TMEM132C: variants seen among roughly 807,000 people sequenced by gnomAD.
TMEM132C encodes the protein protein phosphatase 1, regulatory subunit 152.
In TMEM132C, 29 loss-of-function variants were observed where a neutral mutation model predicts 61.4. That is an observed-to-expected ratio of 0.47 (90% CI 0.35 to 0.64). The LOEUF (loss-of-function observed/expected upper bound fraction) is 0.64. Ranked by LOEUF, TMEM132C falls within the 30% of genes least tolerant of loss-of-function variation. The pLI is 0.00. For synonymous variants in TMEM132C, 656 were observed against 633.1 expected (o/e 1.04, Z -0.54); for missense variants, 1,408 against 1,476.9 (o/e 0.95, Z 0.76).
chr12:128,306,667 T>C (rs1871795579), intron 1 of TMEM132C, among the ~76,000 whole-genome samples: 1 of 152,224 alleles, frequency 6.6e-6, no homozygotes, highest in African/African-American at 2.4e-5. Context: ...GTCCTGTTTT[T>C]TGAAGACTTC....
intron 5 of TMEM132C, among the ~76,000 whole-genome samples, chr12:128,690,718 T>C (rs1349270596): frequency 1.3e-5 from 2 of 152,202 alleles, no homozygotes; most frequent in African/African-American, 4.8e-5. Context: ...CTTCCTTCTT[T>C]AATCAGCATG....
At chr12:128,572,418 G>C (rs564208320) in intron 3 of TMEM132C, among the ~76,000 whole-genome samples, 2 of 151,528 alleles carry the variant, frequency 1.3e-5, no homozygotes, top group African/African-American at 4.8e-5. Flanking sequence ...TGTGGCTGGT[G>C]CTGGCCTCTG....
intron 5 of TMEM132C, among the ~76,000 whole-genome samples, chr12:128,676,405 C>G (rs1954587195): frequency 6.7e-6 from 1 of 149,864 alleles, no homozygotes; most frequent in African/African-American, 2.5e-5. Flanking sequence ...GCTTTTTAAT[C>G]ACCCTGAAAT....
chr12:128,313,182 T>C lies in TMEM132C; in HGVS notation c.85+45695T>C, dbSNP rs577269110. 4.2e-4 allele frequency among the ~76,000 whole-genome samples: 64 copies of C among 152,350 alleles called. 1 individual carries two copies. The South Asian group carries it at 0.013, about 31-fold the overall frequency. On this transcript the variant is annotated intron_variant, in intron 1 of 8. Transcript: ENST00000435159. ...GCCAGGCCCTCTGGACTCACCATTA[T>C]GAAGCCAAATCTCCAGGGATCCACT...
At chr12:128,346,913 C>T (rs1286133031) in intron 1 of TMEM132C, among the ~76,000 whole-genome samples, 2 of 152,108 alleles carry the variant, frequency 1.3e-5, no homozygotes, top group African/African-American at 4.8e-5. Flanking sequence ...GTCTCAAAAT[C>T]AGGAACTCTT....
chr12:128,482,519 T>C (rs1238888351), intron 2 of TMEM132C, among the ~76,000 whole-genome samples: 1 of 152,210 alleles, frequency 6.6e-6, no homozygotes, highest in Non-Finnish European at 1.5e-5. Flanking sequence ...TCCCTCTTTT[T>C]CTATTGTTTG....
intron 4 of TMEM132C, among the ~76,000 whole-genome samples, chr12:128,658,086 G>T (rs1020420646): frequency 7.7e-6 from 1 of 129,208 alleles, no homozygotes; most frequent in African/African-American, 2.9e-5. Context: ...GAGCAGGGAC[G>T]CAGCTCCCAT....
At chr12:128,628,024 C>T (rs1209582391) in intron 4 of TMEM132C, among the ~76,000 whole-genome samples, 1 of 152,156 alleles carries the variant, frequency 6.6e-6, no homozygotes, top group Non-Finnish European at 1.5e-5. Flanking sequence ...TCTCCCCAGG[C>T]CTGCCGCACA....
chr12:128,300,991 G>T (rs551767425), intron 1 of TMEM132C, among the ~76,000 whole-genome samples: 1 of 152,278 alleles, frequency 6.6e-6, no homozygotes, highest in South Asian at 2.1e-4. Flanking sequence ...CAGTGAGCTA[G>T]GAATTCATCC....
chr12:128,636,348 G>A (rs973198778), intron 4 of TMEM132C, among the ~76,000 whole-genome samples: 5 of 151,988 alleles, frequency 3.3e-5, no homozygotes, highest in African/African-American at 4.8e-5. Context: ...TGCCACACCC[G>A]GTGTCATCCA....
At chr12:128,635,371 C>T (rs1024322829) in intron 4 of TMEM132C, among the ~76,000 whole-genome samples, 2 of 151,826 alleles carry the variant, frequency 1.3e-5, no homozygotes, top group South Asian at 2.1e-4. Context: ...TTTTCAAGAA[C>T]CTTAGGTGGG....
chr12:128,422,564 C>T (rs958531393), intron 2 of TMEM132C, among the ~76,000 whole-genome samples: 24 of 152,120 alleles, frequency 1.6e-4, no homozygotes, highest in Admixed American at 4.6e-4. Context: ...AGTCATAAAG[C>T]GTCACTCCTG....
chr12:128,521,467 C>T (rs1285815147), intron 2 of TMEM132C, among the ~76,000 whole-genome samples: 1 of 150,350 alleles, frequency 6.7e-6, no homozygotes, highest in East Asian at 2.0e-4. Context: ...CCCCCACCCC[C>T]CAACAGGCCC....
Position 128,415,487 on chromosome 12 carries a change from GC to G in TMEM132C, c.844del (p.Gln282SerfsTer43). The G allele has an allele frequency of 6.4e-7, 1 of 1,551,558 alleles. No individual in the cohort carries two copies. The highest frequency in any genetic ancestry group is 8.7e-7 in the Non-Finnish European group (1 of 1,146,992). ...CGGCCTTTACCGGGCCCAGGACAGC[GC>G]CCAGCTCAGCGAGCTGCGTTTGGAT... ...TVGLYRAQDS[A>X]QLSELRLDGN... is the part of the protein sequence containing the mutation. On this transcript the variant is annotated frameshift_variant, in exon 2 of 9. Transcript: ENST00000435159. LOFTEE classifies it high-confidence loss of function. The surrounding 1 kb of genome is among the most constrained non-coding windows in gnomAD (Gnocchi z 5.8).
At chr12:128,451,860 A>C (rs1870183809) in intron 2 of TMEM132C, among the ~76,000 whole-genome samples, 1 of 152,178 alleles carries the variant, frequency 6.6e-6, no homozygotes, top group Admixed American at 6.5e-5. Context: ...TGAGCAGAAC[A>C]GACAAAAAAA....
At chr12:128,545,430 T>C (rs951757513) in intron 3 of TMEM132C, among the ~76,000 whole-genome samples, 1 of 152,186 alleles carries the variant, frequency 6.6e-6, no homozygotes. Flanking sequence ...AACACATGAG[T>C]GCGTGTGTCT....
intron 2 of TMEM132C, among the ~76,000 whole-genome samples, chr12:128,531,424 G>C (rs1347526637): frequency 6.6e-6 from 1 of 152,252 alleles, no homozygotes; most frequent in Non-Finnish European, 1.5e-5. Flanking sequence ...ACCTGAAAGA[G>C]ATGAGGAGAA....
chr12:128,603,960 G>A (rs1034316520), intron 3 of TMEM132C, among the ~76,000 whole-genome samples: 8 of 152,170 alleles, frequency 5.3e-5, no homozygotes, highest in Non-Finnish European at 7.3e-5. Context: ...GTGGAAGTAG[G>A]GTCATATTAG....
At chr12:128,426,388 G>A (rs962990285) in intron 2 of TMEM132C, among the ~76,000 whole-genome samples, 1 of 152,162 alleles carries the variant, frequency 6.6e-6, no homozygotes, top group Non-Finnish European at 1.5e-5. Context: ...TAATAAATCT[G>A]CAGGATCGAG....
Sources: allele counts gnomAD v4.1 joint callset (sites outside exome capture counted in the v4.1 genomes callset), GRCh38; gene constraint gnomAD v4.1.1; non-coding constraint Gnocchi (gnomAD v3.1); transcripts MANE v1.5; gene names NCBI Gene and HGNC (gene_info 2026-07-23, HGNC 2026-07-21).